The following SIGLEC1 variants were observed in gnomAD, a reference collection of about 807,000 sequenced individuals.
The protein encoded by SIGLEC1 is sialoadhesin.
In SIGLEC1, 132 loss-of-function variants were observed where a neutral mutation model predicts 148.0. The observed-to-expected ratio is 0.89, with a 90% CI of 0.77 to 1.03. SIGLEC1 has a LOEUF of 1.03. SIGLEC1 is among the 50% of genes least tolerant of loss of function. The pLI is 0.00. For synonymous variants in SIGLEC1, 945 were observed against 969.0 expected (o/e 0.98, Z 0.46); for missense variants, 2,253 against 2,271.4 (o/e 0.99, Z 0.16).
chr20:3,705,181 G>A (rs2087883227), intron 4 of SIGLEC1, among the ~76,000 whole-genome samples: 2 of 152,262 alleles, frequency 1.3e-5, no homozygotes, highest in African/African-American at 4.8e-5. Flanking sequence ...ATTTTTAGTA[G>A]AGACGAGGTT....
intron 17 of SIGLEC1, 85 bp from the exon 18 acceptor site, chr20:3,691,685 G>A: frequency 3.3e-6 from 5 of 1,512,790 alleles, no homozygotes; most frequent in Non-Finnish European, 4.5e-6. Flanking sequence ...AGGGGCCTCT[G>A]CACATTGTGG....
Position 3,706,660 on chromosome 20 carries a change from C to A in SIGLEC1, c.96G>T (p.Val32=). The part of the protein sequence containing the change: ...GVSSPQDVQG[V]KGSCLLIPCI... The stretch of plus-strand genomic sequence containing the variant: ...AGGGGATAAGCAGGCAAGACCCCTT[C>A]ACACCCTGCACGTCCTGGGGACTGG... The change falls in exon 3 of 22, where the codon GTG becomes GTT. Residue 32 remains valine, a synonymous_variant. Transcript: ENST00000344754. 1.9e-6 allele frequency: 3 copies of A among 1,563,706 alleles called. No individual in the cohort carries two copies. The highest frequency in any genetic ancestry group is 2.6e-6 in the Non-Finnish European group (3 of 1,154,264).
chr20:3,693,655 C>T lies in SIGLEC1; in HGVS notation c.3300G>A (p.Gly1100=), dbSNP rs960927020. 5.6e-6 allele frequency: 9 copies of T among 1,608,330 alleles called. No individual in the cohort carries two copies. In the East Asian group the frequency reaches 1.3e-4, roughly 24 times the overall value. Residue 1100 remains glycine, a synonymous_variant, in exon 14 of 22, where the codon GGG becomes GGA. Coordinates refer to ENST00000344754, the MANE Select transcript of SIGLEC1 (RefSeq NM_023068.4). The stretch of plus-strand genomic sequence containing the variant: ...CAAGGCAGGTCAGGTTCACCAGCTG[C>T]CCCTCCCGCACGGTAGCCCCGGGCC... The part of the protein sequence containing the change: ...QVWPGATVRE[G]QLVNLTCLVW...
intron 1 of SIGLEC1, among the ~76,000 whole-genome samples, chr20:3,709,339 A>C (rs1380849596): frequency 6.6e-6 from 1 of 152,244 alleles, no homozygotes; most frequent in African/African-American, 2.4e-5. Flanking sequence ...GGCATTAGGA[A>C]ATGCAAATCA....
chr20:3,699,494 C>CCTCT, intron 7 of SIGLEC1, 35 bp from the exon 8 acceptor site: 1 of 1,580,390 alleles, frequency 6.3e-7, no homozygotes, highest in South Asian at 1.2e-5. Context: ...AAGGGTCCCT[C>CCTCT]CTCTCAACCC....
intron 1 of SIGLEC1, among the ~76,000 whole-genome samples, 98 bp downstream of exon 1, chr20:3,712,372 C>CT (rs932404268): frequency 5.9e-5 from 9 of 151,490 alleles, no homozygotes; most frequent in Non-Finnish European, 5.9e-5. Flanking sequence ...GGAGCCCCCC[C>CT]CCGACCCCTG....
Position 3,697,190 on chromosome 20 carries a change from C to T in SIGLEC1, c.2275G>A (p.Val759Met), listed in dbSNP as rs764244615. Residue 759 changes from valine to methionine, a missense_variant, in exon 10 of 22, where the codon GTG (valine) becomes ATG (methionine). Transcript: ENST00000344754. The stretch of plus-strand genomic sequence containing the variant: ...GTTCTGGCCACGGGCAGCAGTGTCA[C>T]GGTCTCCAGGGGACCCTGGGCCCAC... ...VLWAQGPLET[V>M]TLLPVARTDA... The T allele has an allele frequency of 2.0e-5, 32 of 1,613,886 alleles. No individual in the cohort carries two copies. Among genetic ancestry groups the T allele is most frequent in the East Asian group, 4.5e-5 (2 of 44,886 alleles).
At chr20:3,699,685 C>T (rs1427024460) in intron 7 of SIGLEC1, among the ~76,000 whole-genome samples, 3 of 152,206 alleles carry the variant, frequency 2.0e-5, no homozygotes, top group African/African-American at 7.2e-5. Context: ...TTATGTCCAA[C>T]ACCTGGCTTG....
At chr20:3,688,985 A>G in intron 21 of SIGLEC1, 170 bp downstream of exon 21, 1 of 667,582 alleles carries the variant, frequency 1.5e-6, no homozygotes, top group Non-Finnish European at 2.7e-6. Context: ...CTCTGCCCCG[A>G]GCAGAACAGG....
In SIGLEC1 at chr20:3,691,987, C is replaced by T. The variant is rs2088769034; in HGVS notation, c.4246G>A (p.Val1416Met). Residue 1416 changes from valine to methionine, a missense_variant, in exon 17 of 22, where the codon GTG (valine) becomes ATG (methionine). Physicochemically the swap from Val to Met is conservative, Grantham distance 21. Transcript: ENST00000344754. ...ACATAGGTGTCATCACCTGCAGGCACATCTTGCACCTGCAGCCGTAGGGCG... is the reference window on the plus strand; with the variant it reads ...ACATAGGTGTCATCACCTGCAGGCATATCTTGCACCTGCAGCCGTAGGGCG... ...RNALRLQVQD[V>M]PAGDDTYVCT... 6.2e-7 allele frequency: 1 copy of T among 1,613,248 alleles called. No individual in the cohort carries two copies. The highest frequency in any genetic ancestry group is 1.1e-5 in the South Asian group (1 of 91,036).
In SIGLEC1 at chr20:3,706,667, T is replaced by A; in HGVS notation, c.89A>T (p.Gln30Leu). ...AAGCAGGCAAGACCCCTTCACACCC[T>A]GCACGTCCTGGGGACTGGAGACGCC... ...SWGVSSPQDV[Q>L]GVKGSCLLIP... Residue 30 changes from glutamine to leucine, a missense_variant, in exon 3 of 22, where the codon CAG (glutamine) becomes CTG (leucine). Coordinates refer to ENST00000344754, the MANE Select transcript of SIGLEC1 (RefSeq NM_023068.4). The A allele has an allele frequency of 6.4e-7, 1 of 1,559,760 alleles. No individual in the cohort carries two copies. Among genetic ancestry groups the A allele is most frequent in the Non-Finnish European group, 8.7e-7 (1 of 1,151,836 alleles).
chr20:3,694,163 C>T (rs753478961), intron 13 of SIGLEC1, 58 bp downstream of exon 13: 27 of 1,506,258 alleles, frequency 1.8e-5, no homozygotes, highest in Non-Finnish European at 2.4e-5. Flanking sequence ...ACCTCCTCTC[C>T]TCTTTTAAAG....
At chr20:3,712,314 A>G (rs542422933) in intron 1 of SIGLEC1, among the ~76,000 whole-genome samples, 156 bp downstream of exon 1, 1 of 151,528 alleles carries the variant, frequency 6.6e-6, no homozygotes, top group Non-Finnish European at 1.5e-5. Flanking sequence ...ATCTTTGATT[A>G]GTGTCTTGGA....
rs773583320 is a variant in SIGLEC1, at chr20:3,690,172, C to T, written c.4684G>A (p.Ala1562Thr). Residue 1562 changes from alanine to threonine, a missense_variant, in exon 19 of 22, where the codon GCC (alanine) becomes ACC (threonine). Transcript: ENST00000344754. Reference protein sequence around the residue: ...LDCRVDSEPLASLTLHLGSRL... With the variant: ...LDCRVDSEPLTSLTLHLGSRL... ...CTGCCAAGGTGGAGAGTCAGGCTGG[C>T]GAGCGGCTCGCTGTCCACTCGGCAA... 6 of 1,579,966 alleles carry T rather than the reference C, an allele frequency of 3.8e-6. No individual in the cohort carries two copies. The highest frequency in any genetic ancestry group is 2.3e-5 in the South Asian group (2 of 86,420).
At chr20:3,689,843 G>A in intron 19 of SIGLEC1, 119 bp downstream of exon 19, 3 of 1,177,692 alleles carry the variant, frequency 2.5e-6, no homozygotes, top group Non-Finnish European at 3.7e-6. Context: ...CGAGCAATCA[G>A]TTTAGAGTCG....
chr20:3,696,141 A>C (rs527942), intron 11 of SIGLEC1, among the ~76,000 whole-genome samples: 79,906 of 144,968 alleles, frequency 0.55, 22,015 homozygotes, highest in East Asian at 0.73. Flanking sequence ...CACACACACA[A>C]ACACACACAC....
rs73608191 is a variant in SIGLEC1 at position 3,710,925 on chromosome 20, A to T, written c.-110+1545T>A. On this transcript the variant is annotated intron_variant, in intron 1 of 21. Coordinates refer to ENST00000344754, the MANE Select transcript of SIGLEC1 (RefSeq NM_023068.4). The surrounding 1 kb of genome is among the most constrained non-coding windows in gnomAD (Gnocchi z 4.6). ...CACAAAGGCCAGCTTCAGCCCAGAT[A>T]ACTGTTCTGGAAACAGAAAGAGCAG... Among the ~76,000 whole-genome samples the T allele has an allele frequency of 0.049, 7,488 of 152,280 alleles. 284 individuals are homozygous for T. The highest frequency in any genetic ancestry group is 0.16 in the East Asian group (850 of 5,176).
chr20:3,689,834 G>A (rs907754953), intron 19 of SIGLEC1, 128 bp downstream of exon 19: 20 of 1,166,576 alleles, frequency 1.7e-5, no homozygotes, highest in East Asian at 2.6e-5. Flanking sequence ...AGGGTGCCCC[G>A]AGCAATCAGT....
chr20:3,689,029 T>C (rs1600277520), intron 21 of SIGLEC1, 126 bp downstream of exon 21: 2 of 838,738 alleles, frequency 2.4e-6, no homozygotes, highest in South Asian at 1.5e-5. Flanking sequence ...CCTGGTTCCC[T>C]GCACACTCTC....
Sources: gnomAD v4.1 joint callset for allele counts (sites outside exome capture counted in the v4.1 genomes callset) on GRCh38, gnomAD v4.1.1 for gene constraint, Gnocchi (gnomAD v3.1) non-coding constraint, MANE v1.5 for transcripts, NCBI Gene and HGNC (gene_info 2026-07-23, HGNC 2026-07-21) for gene names.